PARD3B: variants seen among roughly 807,000 people sequenced by gnomAD.
PARD3B encodes partitioning defective 3 homolog B.
PARD3B carries 103 observed loss-of-function variants against 130.2 expected under a neutral mutation model. The observed-to-expected ratio is 0.79, with a 90% CI of 0.67 to 0.93. The LOEUF (loss-of-function observed/expected upper bound fraction) is 0.93. PARD3B is among the 40% of genes least tolerant of loss of function. PARD3B has a pLI of 0.00. For missense variants in PARD3B, 1,609 were observed against 1,499.2 expected (o/e 1.07, Z -1.21); for synonymous variants, 583 against 553.2 (o/e 1.05, Z -0.76).
intron 2 of PARD3B, among the ~76,000 whole-genome samples, chr2:204,953,589 C>G (rs1289402622): frequency 1.3e-5 from 2 of 152,088 alleles, no homozygotes; most frequent in African/African-American, 2.4e-5. Context: ...GTTATATCAT[C>G]ATATCTTGCC....
intron 2 of PARD3B, among the ~76,000 whole-genome samples, chr2:204,690,224 A>G (rs575231688): frequency 6.6e-6 from 1 of 152,250 alleles, no homozygotes; most frequent in East Asian, 1.9e-4. Flanking sequence ...ACCATATGCA[A>G]TTACAAAGAA....
intron 15 of PARD3B, 119 bp from the exon 16 acceptor site, chr2:205,245,659 T>G: frequency 1.3e-6 from 1 of 755,392 alleles, no homozygotes; most frequent in Non-Finnish European, 2.1e-6. Flanking sequence ...AAAAAATGTT[T>G]CTCAAATCTC....
intron 2 of PARD3B, among the ~76,000 whole-genome samples, chr2:204,939,052 C>T (rs907570804): frequency 6.6e-6 from 1 of 152,126 alleles, no homozygotes; most frequent in South Asian, 2.1e-4. Flanking sequence ...TTTTTATACT[C>T]ATTAGGAAAA....
intron 2 of PARD3B, among the ~76,000 whole-genome samples, chr2:204,779,042 A>G (rs977477622): frequency 2.0e-5 from 3 of 152,122 alleles, no homozygotes; most frequent in South Asian, 2.1e-4. Context: ...TCATCCTTCT[A>G]GGTGCCCAGA....
At chr2:205,336,144 G>A (rs1013039931) in intron 18 of PARD3B, among the ~76,000 whole-genome samples, 11 of 152,120 alleles carry the variant, frequency 7.2e-5, no homozygotes, top group Admixed American at 1.3e-4. Flanking sequence ...GTGAGCCACC[G>A]CATCCAGCCA....
At chr2:205,088,727 A>G (rs1701898148) in intron 4 of PARD3B, among the ~76,000 whole-genome samples, 1 of 151,736 alleles carries the variant, frequency 6.6e-6, no homozygotes, top group African/African-American at 2.4e-5. Context: ...CTTTGTGTCA[A>G]TAATAGAGAT....
Position 204,618,712 on chromosome 2 carries a change from A to G in PARD3B, c.121-67469A>G, listed in dbSNP as rs539348949. 3.9e-5 allele frequency among the ~76,000 whole-genome samples: 6 copies of G among 152,270 alleles called. No individual in the cohort carries two copies. In the East Asian group the frequency reaches 1.2e-3, roughly 29 times the overall value. ...CAATTAAGGCAGCCAGAGTTGCTAG[A>G]CTCTTTTGACATGAGAAAGGACTTA... On this transcript the variant is annotated intron_variant, in intron 1 of 22. Coordinates refer to ENST00000406610, the MANE Select transcript of PARD3B (RefSeq NM_001302769.2).
chr2:205,158,136 T>C lies in PARD3B; in HGVS notation c.1435-586T>C, dbSNP rs1162180919. 6.6e-6 allele frequency among the ~76,000 whole-genome samples: 1 copy of C among 152,242 alleles called. No homozygotes were observed. Among genetic ancestry groups the C allele is most frequent in the African/African-American group, 2.4e-5 (1 of 41,460 alleles). On this transcript the variant is annotated intron_variant, in intron 10 of 22. Coordinates refer to ENST00000406610, the MANE Select transcript of PARD3B (RefSeq NM_001302769.2). The surrounding 1 kb of genome is among the most constrained non-coding windows in gnomAD (Gnocchi z 5.4). ...AGTTTTGACAAAGTGAAATTTCATT[T>C]GATGATATCCATTATAAATCGTTTT...
At chr2:205,129,247 T>C (rs1575880855) in intron 10 of PARD3B, among the ~76,000 whole-genome samples, 1 of 152,152 alleles carries the variant, frequency 6.6e-6, no homozygotes, top group East Asian at 1.9e-4. Flanking sequence ...AGCCTTCCTA[T>C]TGGAGAAATA....
chr2:205,300,444 TCCA>T lies in PARD3B; in HGVS notation c.2186-85_2186-83del. ...CACTTAACACCCCTTTTTTGGGATGTCCAGACAGAAATATTCTTAGAACAATAG... is the reference window on the plus strand; with the variant it reads ...CACTTAACACCCCTTTTTTGGGATGTGACAGAAATATTCTTAGAACAATAG... On this transcript the variant is annotated intron_variant, in intron 16 of 22. Transcript: ENST00000406610. This position sits in a 1 kb window ranked among gnomAD's most constrained non-coding sequence, Gnocchi z 4.1. The T allele has an allele frequency of 1.5e-6, 2 of 1,300,010 alleles. No homozygotes were observed. Among genetic ancestry groups the T allele is most frequent in the Admixed American group, 1.8e-5 (1 of 55,244 alleles). 80.5% of individuals were successfully genotyped at this position (1,300,010 alleles called of 1,614,324 possible).
rs1230458384 is a variant in PARD3B, at chr2:205,463,799, G to C, written c.3044+23127G>C. Among the ~76,000 whole-genome samples, 1 of 152,168 alleles carries C rather than the reference G, an allele frequency of 6.6e-6. No homozygotes were observed. Among genetic ancestry groups the C allele is most frequent in the South Asian group, 2.1e-4 (1 of 4,822 alleles). On this transcript the variant is annotated intron_variant, in intron 20 of 22. Transcript: ENST00000406610. This position sits in a 1 kb window ranked among gnomAD's most constrained non-coding sequence, Gnocchi z 4.8. ...CATTTTAACAAAGCAGCCTCCTCGA[G>C]GAAGGAAAGCCAGCCACCCTTCCCC...
intron 18 of PARD3B, among the ~76,000 whole-genome samples, chr2:205,386,877 C>G (rs1260350127): frequency 2.0e-5 from 3 of 151,780 alleles, no homozygotes; most frequent in African/African-American, 7.3e-5. Context: ...TCACAGATCC[C>G]CCTATCCCTA....
chr2:204,888,139 G>A (rs1051344627), intron 2 of PARD3B, among the ~76,000 whole-genome samples: 3 of 152,030 alleles, frequency 2.0e-5, no homozygotes, highest in Non-Finnish European at 2.9e-5. Flanking sequence ...AGGAGAGAAG[G>A]GTAGAGGTAT....
chr2:205,168,320 A>AGAGAGAGAGAGAGAGAGAGAGT lies in PARD3B; in HGVS notation c.1621-3890_1621-3889insAGAGAGAGAGAGAGAGAGAGTG, dbSNP rs371904121. Among the ~76,000 whole-genome samples, 460 of 119,644 alleles carry AGAGAGAGAGAGAGAGAGAGAGT rather than the reference A, an allele frequency of 3.8e-3. 5 individuals carry two copies. Among genetic ancestry groups the AGAGAGAGAGAGAGAGAGAGAGT allele is most frequent in the East Asian group, 5.7e-3 (23 of 4,002 alleles). The allele number at this position is 119,644 out of a possible 152,430, so 78.5% of individuals were successfully genotyped here. Reference sequence around the variant, plus strand: ...GAGAGAGAGAGAGAGAGAGAGAGAGAGTGTGTGTGTGTGAATATTGCAAGC... The same window carrying AGAGAGAGAGAGAGAGAGAGAGT: ...GAGAGAGAGAGAGAGAGAGAGAGAGAGAGAGAGAGAGAGAGAGAGAGTGTGTGTGTGTGTGAATATTGCAAGC... On this transcript the variant is annotated intron_variant, in intron 11 of 22. Transcript: ENST00000406610.
chr2:204,695,578 A>G (rs1280986809), intron 2 of PARD3B, among the ~76,000 whole-genome samples: 1 of 152,130 alleles, frequency 6.6e-6, no homozygotes, highest in Non-Finnish European at 1.5e-5. Context: ...TCATGTTTAT[A>G]AAGTCAGCTT....
intron 2 of PARD3B, among the ~76,000 whole-genome samples, chr2:204,923,584 T>C (rs2047764829): frequency 6.6e-6 from 1 of 151,962 alleles, no homozygotes; most frequent in South Asian, 2.1e-4. Context: ...CATATGGAGG[T>C]GGCAATTAGG....
chr2:205,012,708 A>T (rs896321170), intron 3 of PARD3B, among the ~76,000 whole-genome samples: 8 of 152,216 alleles, frequency 5.3e-5, no homozygotes, highest in African/African-American at 1.9e-4. Context: ...CTGCACATAT[A>T]ACTTAACTAT....
Position 204,787,347 on chromosome 2 carries a change from T to C in PARD3B, c.222+101065T>C, listed in dbSNP as rs972767938. Among the ~76,000 whole-genome samples the C allele has an allele frequency of 4.6e-5, 7 of 152,064 alleles. 1 individual carries two copies. The South Asian group carries it at 1.5e-3, about 32-fold the overall frequency. The stretch of plus-strand genomic sequence containing the variant: ...AGCCTTTTGTGTGTTAGGGAGAAAA[T>C]CTGCTTGCTACATATCATCAGGTGT... On this transcript the variant is annotated intron_variant, in intron 2 of 22. Transcript: ENST00000406610.
intron 2 of PARD3B, among the ~76,000 whole-genome samples, chr2:204,858,673 C>A (rs926465107): frequency 6.7e-6 from 1 of 150,168 alleles, no homozygotes; most frequent in African/African-American, 2.4e-5. Context: ...CTGTTCTTGC[C>A]ATGGGAGGGG....
Sources: allele counts gnomAD v4.1 joint callset (sites outside exome capture counted in the v4.1 genomes callset), GRCh38; gene constraint gnomAD v4.1.1; non-coding constraint Gnocchi (gnomAD v3.1); transcripts MANE v1.5; gene names NCBI Gene and HGNC (gene_info 2026-07-23, HGNC 2026-07-21).